CATSPERD: variants seen among roughly 807,000 people sequenced by gnomAD.
CATSPERD encodes the protein cation channel sperm-associated auxiliary subunit delta.
Under a neutral mutation model 98.1 loss-of-function variants are expected in CATSPERD, and 86 were observed. The observed-to-expected ratio is 0.88, with a 90% CI of 0.74 to 1.05. The LOEUF (loss-of-function observed/expected upper bound fraction) is 1.05, where lower values mean the gene tolerates loss of function less well. Ranked by LOEUF, CATSPERD falls within the 50% of genes least tolerant of loss-of-function variation. CATSPERD has a pLI of 0.00. For missense variants in CATSPERD, 995 were observed against 1,005.7 expected (o/e 0.99, Z 0.14); for synonymous variants, 394 against 390.2 (o/e 1.01, Z -0.12).
chr19:5,775,416 T>C, intron 20 of CATSPERD: 1 of 349,396 alleles, frequency 2.9e-6, no homozygotes, highest in South Asian at 2.2e-5. Flanking sequence ...GGTGGGTAGA[T>C]CACAAGGTCA....
intron 13 of CATSPERD, among the ~76,000 whole-genome samples, chr19:5,756,655 C>T (rs2056329126): frequency 6.6e-6 from 1 of 151,702 alleles, no homozygotes; most frequent in Non-Finnish European, 1.5e-5. Flanking sequence ...ATATTAAATG[C>T]ATTTTCAGGC....
intron 15 of CATSPERD, among the ~76,000 whole-genome samples, chr19:5,760,979 C>CGA (rs2056422432): frequency 6.6e-6 from 1 of 151,476 alleles, no homozygotes; most frequent in African/African-American, 2.4e-5. Context: ...TGAAAGCCTT[C>CGA]TATCGAGTTT....
At chr19:5,724,171 C>T (rs1373330078) in intron 1 of CATSPERD, among the ~76,000 whole-genome samples, 2 of 151,886 alleles carry the variant, frequency 1.3e-5, no homozygotes, top group African/African-American at 2.4e-5. Context: ...GCTGATCCAC[C>T]CACCTTGACC....
intron 7 of CATSPERD, among the ~76,000 whole-genome samples, chr19:5,742,980 G>T (rs186025137): frequency 6.6e-6 from 1 of 152,146 alleles, no homozygotes; most frequent in East Asian, 1.9e-4. Context: ...TCCTGACATG[G>T]CAAAAGGAAC....
At chr19:5,752,020 C>T (rs2056231183) in intron 12 of CATSPERD, among the ~76,000 whole-genome samples, 197 bp downstream of exon 12, 1 of 151,830 alleles carries the variant, frequency 6.6e-6, no homozygotes, top group African/African-American at 2.4e-5. Context: ...TTTTTTAAAG[C>T]TGGGCGTTGG....
At chr19:5,765,803 ACT>A (rs1382819126) in intron 16 of CATSPERD, among the ~76,000 whole-genome samples, 1 of 151,464 alleles carries the variant, frequency 6.6e-6, no homozygotes, top group Non-Finnish European at 1.5e-5. Context: ...CAGAGCAAAA[ACT>A]CTGTCTCAAA....
chr19:5,763,155 G>A (rs1013738306), intron 15 of CATSPERD, 60 bp from the exon 16 acceptor site: 2 of 1,242,022 alleles, frequency 1.6e-6, no homozygotes, highest in Non-Finnish European at 2.4e-6. Flanking sequence ...TGAATGGAAT[G>A]CAGCTGTGTC....
intron 2 of CATSPERD, 76 bp downstream of exon 2, chr19:5,724,938 T>C: frequency 1.5e-6 from 2 of 1,356,004 alleles, no homozygotes; most frequent in Admixed American, 3.4e-5. Flanking sequence ...TCCTGGTATT[T>C]CTTGGGTGCC....
rs1568369464 is a variant in CATSPERD, at chr19:5,765,411, TTCATTC to T, written c.1507-691_1507-686del. ...TCATTCTAGGCCATTGATTTATTCA[TTCATTC>T]ATTCATTCATTCATTCATTCATTCA... On this transcript the variant is annotated intron_variant, in intron 16 of 21. Transcript: ENST00000381624. 9.0e-3 allele frequency among the ~76,000 whole-genome samples: 330 copies of T among 36,500 alleles called. 2 individuals are homozygous for T. Among genetic ancestry groups the T allele is most frequent in the African/African-American group, 0.013 (316 of 24,970 alleles). 23.9% of individuals were successfully genotyped at this position (36,500 alleles called of 152,430 possible). A position where few individuals can be genotyped will look rare whatever the true frequency, so the allele number is the denominator to read the frequency against.
chr19:5,726,637 C>G lies in CATSPERD; in HGVS notation c.127-631C>G, dbSNP rs529478118. On this transcript the variant is annotated intron_variant, in intron 2 of 21. Transcript: ENST00000381624. The stretch of plus-strand genomic sequence containing the variant: ...CCTCAAGAAATCCTCCTGCCTCAGC[C>G]TCCCAAAGTGTTGGGATTACAGACG... 1.9e-3 allele frequency among the ~76,000 whole-genome samples: 293 copies of G among 152,170 alleles called. 2 individuals carry two copies. The highest frequency in any genetic ancestry group is 0.01 in the Middle Eastern group (3 of 294).
At chr19:5,728,356 C>CAAAAAA (rs564166119) in intron 3 of CATSPERD, among the ~76,000 whole-genome samples, 16 of 80,794 alleles carry the variant, frequency 2.0e-4, no homozygotes, top group South Asian at 4.2e-4. Context: ...GACTCTGTCT[C>CAAAAAA]AAAAAAAAAA....
At chr19:5,760,115 CACA>C (rs1263350016) in intron 15 of CATSPERD, among the ~76,000 whole-genome samples, 1 of 149,896 alleles carries the variant, frequency 6.7e-6, no homozygotes, top group East Asian at 2.0e-4. Context: ...GGCTGTGGCC[CACA>C]ACACTTTGGG....
At position 5,757,914 on chromosome 19, in the gene CATSPERD, G is replaced by A; in HGVS notation, c.1350G>A (p.Gly450=). The change falls in exon 14 of 22, where the codon GGG becomes GGA. Residue 450 remains glycine, a synonymous_variant. Coordinates refer to ENST00000381624, the MANE Select transcript of CATSPERD (RefSeq NM_152784.4). ...ACGAGAACGGTTACACATCAGATGG[G>A]AACACCAAGTACAAACTGGTGAGCC... is the stretch of plus-strand genomic sequence containing the variant. ...TFYENGYTSD[G]NTKYKLDIFL... is the part of the protein sequence containing the mutation. 1 of 1,612,552 alleles carries A rather than the reference G, an allele frequency of 6.2e-7. No individual in the cohort carries two copies. The highest frequency in any genetic ancestry group is 1.7e-5 in the Admixed American group (1 of 59,856).
In CATSPERD at chr19:5,772,976, C is replaced by T. The variant is rs752881522; in HGVS notation, c.1941+11C>T. The T allele has an allele frequency of 8.1e-6, 13 of 1,610,986 alleles. No homozygotes were observed. Among genetic ancestry groups the T allele is most frequent in the Non-Finnish European group, 1.1e-5 (13 of 1,178,706 alleles). On this transcript the variant is annotated intron_variant, in intron 20 of 21. Coordinates refer to ENST00000381624, the MANE Select transcript of CATSPERD (RefSeq NM_152784.4). ...TTCTGGAACAGAGAGGTAACAGGAC[C>T]CTAGGATCGTTTCCAGAAGAATCAG...
intron 3 of CATSPERD, among the ~76,000 whole-genome samples, chr19:5,728,562 A>T (rs919393496): frequency 2.0e-5 from 3 of 151,710 alleles, no homozygotes; most frequent in Non-Finnish European, 4.4e-5. Context: ...CGTCTCTGTC[A>T]TCAACAGCTC....
chr19:5,721,033 C>G (rs886620771), intron 1 of CATSPERD, among the ~76,000 whole-genome samples: 2 of 148,520 alleles, frequency 1.3e-5, no homozygotes, highest in African/African-American at 5.0e-5. Flanking sequence ...GAGTCTCGCT[C>G]TGTCGCCCAG....
chr19:5,744,913 T>A (rs2056066561), intron 8 of CATSPERD, among the ~76,000 whole-genome samples: 1 of 151,544 alleles, frequency 6.6e-6, no homozygotes, highest in South Asian at 2.1e-4. Flanking sequence ...GATAATGTAT[T>A]TTTGTTTAAC....
chr19:5,753,294 C>T (rs1462417087), intron 12 of CATSPERD, among the ~76,000 whole-genome samples: 11 of 152,062 alleles, frequency 7.2e-5, no homozygotes, highest in Non-Finnish European at 1.3e-4. Context: ...GGCGCGGTGG[C>T]TCACGCCTGT....
chr19:5,754,061 T>C, intron 12 of CATSPERD, 71 bp from the exon 13 acceptor site: 1 of 1,053,278 alleles, frequency 9.5e-7, no homozygotes, highest in East Asian at 2.4e-5. Flanking sequence ...CCCTTCCTCC[T>C]TCCCACCTCC....
Sources: gnomAD v4.1 joint callset for allele counts (sites outside exome capture counted in the v4.1 genomes callset) on GRCh38, gnomAD v4.1.1 for gene constraint, MANE v1.5 for transcripts, NCBI Gene and HGNC (gene_info 2026-07-23, HGNC 2026-07-21) for gene names.